The following GRIK2 variants were observed in gnomAD, a reference collection of about 807,000 sequenced individuals.
The protein encoded by GRIK2 is glutamate receptor ionotropic, kainate 2.
A neutral mutation model predicts 100.3 loss-of-function variants in GRIK2; 32 were observed. The ratio of observed to expected loss-of-function variants is 0.32; its 90% CI spans 0.24 to 0.43. The LOEUF (loss-of-function observed/expected upper bound fraction) is 0.43. GRIK2 is among the 20% of genes least tolerant of loss of function. The pLI is 1.00. For missense variants in GRIK2, 843 were observed against 1,114.9 expected (o/e 0.76, Z 3.47); for synonymous variants, 417 against 389.4 (o/e 1.07, Z -0.83).
At chr6:101,416,108 G>C (rs1193818694) in intron 2 of GRIK2, among the ~76,000 whole-genome samples, 1 of 152,104 alleles carries the variant, frequency 6.6e-6, no homozygotes, top group Non-Finnish European at 1.5e-5. Context: ...TCTCTTCAAG[G>C]GTGGTTGGAC....
chr6:101,525,905 G>A (rs888493498), intron 2 of GRIK2, among the ~76,000 whole-genome samples: 2 of 152,162 alleles, frequency 1.3e-5, no homozygotes, highest in African/African-American at 4.8e-5. Context: ...TGTATACTGT[G>A]ATGAATAAAA....
intron 7 of GRIK2, among the ~76,000 whole-genome samples, chr6:101,747,727 T>C (rs758062168): frequency 4.6e-5 from 7 of 152,178 alleles, no homozygotes; most frequent in Non-Finnish European, 1.0e-4. Context: ...GTTATTTGGA[T>C]GACTTAAATT....
intron 7 of GRIK2, among the ~76,000 whole-genome samples, chr6:101,737,899 A>G (rs1775755749): frequency 6.6e-6 from 1 of 152,164 alleles, no homozygotes; most frequent in Non-Finnish European, 1.5e-5. Flanking sequence ...ATTGATTAAA[A>G]TCAGGAAACA....
intron 10 of GRIK2, among the ~76,000 whole-genome samples, chr6:101,858,125 A>C (rs2128442600): frequency 6.6e-6 from 1 of 152,234 alleles, no homozygotes; most frequent in South Asian, 2.1e-4. Flanking sequence ...TATCTTACCG[A>C]GTACCTTGCA....
At chr6:101,673,790 A>G (rs1770615413) in intron 4 of GRIK2, among the ~76,000 whole-genome samples, 1 of 152,126 alleles carries the variant, frequency 6.6e-6, no homozygotes, top group Non-Finnish European at 1.5e-5. Context: ...TACTTGCTTA[A>G]TATCATTTTC....
chr6:102,037,113 A>G (rs1770312078), intron 15 of GRIK2, among the ~76,000 whole-genome samples: 1 of 151,328 alleles, frequency 6.6e-6, no homozygotes, highest in Non-Finnish European at 1.5e-5. Context: ...GTTTAAAAAA[A>G]GCTCGAATTA....
intron 11 of GRIK2, among the ~76,000 whole-genome samples, chr6:101,879,820 A>G (rs1786121450): frequency 6.6e-6 from 1 of 151,832 alleles, no homozygotes; most frequent in Non-Finnish European, 1.5e-5. Flanking sequence ...GTAAACTTGG[A>G]CCACAGAAGT....
In GRIK2 at chr6:101,928,448, G is replaced by A; in HGVS notation, c.1901G>A (p.Arg634Lys). The A allele has an allele frequency of 6.2e-7, 1 of 1,603,490 alleles. No homozygotes were observed. Among genetic ancestry groups the A allele is most frequent in the Non-Finnish European group, 8.5e-7 (1 of 1,170,440 alleles). Residue 634 changes from arginine (R) to lysine (K), a missense_variant, in exon 14 of 17, where the codon AGG (arginine) becomes AAG (lysine). Transcript: ENST00000369134. ...SELMPKALSTRIVGGIWWFFT... is the reference protein window; with the variant it reads ...SELMPKALSTKIVGGIWWFFT... ...CTCATGCCCAAAGCACTGTCCACCAGGATAGTGGGAGGCATTTGGTGGTTT... is the reference window on the plus strand; with the variant it reads ...CTCATGCCCAAAGCACTGTCCACCAAGATAGTGGGAGGCATTTGGTGGTTT...
chr6:101,428,677 A>G (rs904319769), intron 2 of GRIK2, among the ~76,000 whole-genome samples: 2 of 151,034 alleles, frequency 1.3e-5, no homozygotes, highest in African/African-American at 4.9e-5. Flanking sequence ...AAATACATAT[A>G]TTAGTTTAAA....
At position 101,862,853 on chromosome 6, in the gene GRIK2, A is replaced by G. The variant is rs780038169; in HGVS notation, c.1524+3360A>G. ...AATCTATTTTGTTTTTCCTTTATGT[A>G]CTAATAATCTACTCTTTCAGTCCTA... On this transcript the variant is annotated intron_variant, in intron 11 of 16. Transcript: ENST00000369134. Among the ~76,000 whole-genome samples the G allele has an allele frequency of 4.4e-4, 67 of 152,172 alleles. 1 individual carries two copies. Among genetic ancestry groups the G allele is most frequent in the Admixed American group, 1.1e-3 (17 of 15,282 alleles).
intron 2 of GRIK2, among the ~76,000 whole-genome samples, chr6:101,614,664 C>A (rs1443686248): frequency 6.6e-6 from 1 of 151,616 alleles, no homozygotes; most frequent in African/African-American, 2.4e-5. Flanking sequence ...GCAGAGGAAC[C>A]TTTTGCAATT....
chr6:101,497,547 T>G (rs1312684100), intron 2 of GRIK2, among the ~76,000 whole-genome samples: 1 of 152,168 alleles, frequency 6.6e-6, no homozygotes, highest in Non-Finnish European at 1.5e-5. Context: ...ATAACATTTT[T>G]GTTCCACCAG....
At chr6:101,730,659 T>G (rs1337234754) in intron 7 of GRIK2, among the ~76,000 whole-genome samples, 1 of 151,676 alleles carries the variant, frequency 6.6e-6, no homozygotes, top group African/African-American at 2.4e-5. Flanking sequence ...TTTTTTTTTG[T>G]CACATTCTTG....
chr6:101,411,933 A>G (rs1775902320), intron 2 of GRIK2, among the ~76,000 whole-genome samples: 1 of 152,074 alleles, frequency 6.6e-6, no homozygotes. Flanking sequence ...TTATTTTAAA[A>G]CTTTGTTTTC....
chr6:101,750,864 G>A (rs1402471960), intron 7 of GRIK2, among the ~76,000 whole-genome samples: 5 of 152,118 alleles, frequency 3.3e-5, no homozygotes, highest in African/African-American at 7.2e-5. Context: ...TTCATTCACC[G>A]CTTTTTAACT....
At chr6:101,910,398 T>A (rs1195533285) in intron 12 of GRIK2, among the ~76,000 whole-genome samples, 1 of 151,306 alleles carries the variant, frequency 6.6e-6, no homozygotes. Context: ...ATTATTATAC[T>A]CTCTAATGTT....
chr6:101,927,582 T>C (rs1454253595), intron 13 of GRIK2, among the ~76,000 whole-genome samples: 3 of 152,098 alleles, frequency 2.0e-5, no homozygotes, highest in Non-Finnish European at 4.4e-5. Context: ...AATTTTAAAT[T>C]GGTAGGATTT....
chr6:101,593,221 C>G (rs1778759033), intron 2 of GRIK2, among the ~76,000 whole-genome samples: 1 of 151,700 alleles, frequency 6.6e-6, no homozygotes, highest in East Asian at 1.9e-4. Context: ...TAGATAATTT[C>G]CAGTCTGGAT....
At chr6:101,663,100 A>G (rs1179933969) in intron 4 of GRIK2, among the ~76,000 whole-genome samples, 1 of 152,178 alleles carries the variant, frequency 6.6e-6, no homozygotes, top group Non-Finnish European at 1.5e-5. Context: ...ATTGTTAGTC[A>G]TGAGCCCAGC....
Sources: gnomAD v4.1 joint callset for allele counts (sites outside exome capture counted in the v4.1 genomes callset) on GRCh38, gnomAD v4.1.1 for gene constraint, MANE v1.5 for transcripts, NCBI Gene and HGNC (gene_info 2026-07-23, HGNC 2026-07-21) for gene names.